TNR: variants seen among roughly 807,000 people sequenced by gnomAD.
TNR encodes tenascin-R.
A neutral mutation model predicts 150.4 loss-of-function variants in TNR; 45 were observed. The ratio of observed to expected loss-of-function variants is 0.30; its 90% CI spans 0.24 to 0.38. The LOEUF is 0.38. Ranked by LOEUF, TNR falls within the 10% of genes least tolerant of loss-of-function variation. The pLI is 1.00. For missense variants in TNR, 1,544 were observed against 1,759.1 expected (o/e 0.88, Z 2.19); for synonymous variants, 687 against 678.4 (o/e 1.01, Z -0.20).
At chr1:175,542,024 C>T (rs1362035565) in intron 1 of TNR, among the ~76,000 whole-genome samples, 1 of 152,164 alleles carries the variant, frequency 6.6e-6, no homozygotes, top group East Asian at 1.9e-4. Flanking sequence ...TGCAAGCCAT[C>T]AGAAGAACCT....
At chr1:175,625,152 G>A (rs923436443) in intron 1 of TNR, among the ~76,000 whole-genome samples, 5 of 152,172 alleles carry the variant, frequency 3.3e-5, no homozygotes, top group African/African-American at 1.2e-4. Flanking sequence ...CCACAAATTT[G>A]GCTTCTACGA....
intron 1 of TNR, among the ~76,000 whole-genome samples, chr1:175,617,834 T>C (rs1028221319): frequency 6.6e-6 from 1 of 152,224 alleles, no homozygotes; most frequent in African/African-American, 2.4e-5. Context: ...ACAAATACGA[T>C]CTTTTAAAAA....
At chr1:175,515,911 G>T (rs1485580561) in intron 2 of TNR, among the ~76,000 whole-genome samples, 1 of 152,212 alleles carries the variant, frequency 6.6e-6, no homozygotes, top group East Asian at 1.9e-4. Flanking sequence ...ACTTGAAAAA[G>T]TATGAAGAAA....
At chr1:175,730,028 C>T (rs1390521867) in intron 1 of TNR, among the ~76,000 whole-genome samples, 1 of 152,218 alleles carries the variant, frequency 6.6e-6, no homozygotes, top group Admixed American at 6.5e-5. Context: ...CTAAGGTACT[C>T]TGAGCAGCTG....
intron 2 of TNR, among the ~76,000 whole-genome samples, chr1:175,523,909 C>T (rs1659744379): frequency 6.6e-6 from 1 of 152,198 alleles, no homozygotes; most frequent in Admixed American, 6.5e-5. Context: ...CTGCCATGTA[C>T]ATAGCAGCGT....
intron 2 of TNR, among the ~76,000 whole-genome samples, chr1:175,428,019 A>G (rs1007609795): frequency 1.3e-5 from 2 of 152,132 alleles, no homozygotes; most frequent in East Asian, 3.9e-4. Context: ...ATTTTTAGAT[A>G]AAAATCCTAT....
At chr1:175,422,555 C>A (rs1057098067) in intron 2 of TNR, among the ~76,000 whole-genome samples, 9 of 152,282 alleles carry the variant, frequency 5.9e-5, no homozygotes, top group African/African-American at 2.2e-4. Context: ...GGGCTGGGAC[C>A]CACTGTCATG....
chr1:175,317,487 G>T lies in TNR; in HGVS notation c.*5870C>A, dbSNP rs763266231. The T allele has an allele frequency of 6.6e-6, 1 of 152,194 alleles. No individual in the cohort carries two copies. The highest frequency in any genetic ancestry group is 1.5e-5 in the Non-Finnish European group (1 of 68,042). 9.4% of individuals were successfully genotyped at this position (152,194 alleles called of 1,614,324 possible). ...AAGAGCAACACAGGGTCTCCCTAGG[G>T]GCTGCTAAACCAGTGATGGGAAGAA... On this transcript the variant is annotated 3_prime_UTR_variant, in exon 23 of 23. Coordinates refer to ENST00000367674, the MANE Select transcript of TNR (RefSeq NM_003285.3).
chr1:175,337,134 A>G (rs1005581160), intron 19 of TNR, among the ~76,000 whole-genome samples: 1 of 152,034 alleles, frequency 6.6e-6, no homozygotes, highest in Admixed American at 6.5e-5. Flanking sequence ...GCCTCAAGTC[A>G]TCACCCGCCT....
chr1:175,478,209 A>T (rs1657632782), intron 2 of TNR, among the ~76,000 whole-genome samples: 1 of 152,222 alleles, frequency 6.6e-6, no homozygotes, highest in African/African-American at 2.4e-5. Flanking sequence ...TTTAATTTCT[A>T]TACACAGTCC....
At position 175,315,274 on chromosome 1, in the gene TNR, A is replaced by G. The variant is rs1243231152; in HGVS notation, c.*8083T>C. On this transcript the variant is annotated 3_prime_UTR_variant, in exon 23 of 23. Transcript: ENST00000367674. ...ACAGAGGCTAAAAGCAACCAGGACTAAAAATACTAGTTAACAATGGTTAAC... is the reference window on the plus strand; with the variant it reads ...ACAGAGGCTAAAAGCAACCAGGACTGAAAATACTAGTTAACAATGGTTAAC... The G allele has an allele frequency of 6.6e-6, 1 of 152,248 alleles. No individual in the cohort carries two copies. The highest frequency in any genetic ancestry group is 1.5e-5 in the Non-Finnish European group (1 of 68,050). 9.4% of individuals were successfully genotyped at this position (152,248 alleles called of 1,614,324 possible). A position where few individuals can be genotyped will look rare whatever the true frequency, so the allele number is the denominator to read the frequency against.
chr1:175,582,978 C>T (rs1398299414), intron 1 of TNR, among the ~76,000 whole-genome samples: 1 of 151,910 alleles, frequency 6.6e-6, no homozygotes, highest in African/African-American at 2.4e-5. Flanking sequence ...AAAAGCCCCC[C>T]CAACCCCCGA....
chr1:175,571,498 A>G (rs1412466529), intron 1 of TNR, among the ~76,000 whole-genome samples: 1 of 152,240 alleles, frequency 6.6e-6, no homozygotes, highest in Non-Finnish European at 1.5e-5. Flanking sequence ...AATGTGTTAA[A>G]AAGCTGGCAA....
intron 1 of TNR, among the ~76,000 whole-genome samples, chr1:175,709,598 A>G (rs916781137): frequency 6.6e-6 from 1 of 152,234 alleles, no homozygotes; most frequent in Non-Finnish European, 1.5e-5. Context: ...ATGCAGACAC[A>G]TTAGTTAGCC....
intron 2 of TNR, among the ~76,000 whole-genome samples, chr1:175,510,999 G>C (rs74470549): frequency 6.6e-6 from 1 of 152,228 alleles, no homozygotes; most frequent in Non-Finnish European, 1.5e-5. Flanking sequence ...CAACATGGAG[G>C]TGAATAGCTC....
At position 175,323,286 on chromosome 1, in the gene TNR, C is replaced by T; in HGVS notation, c.*71G>A. The stretch of plus-strand genomic sequence containing the variant: ...TGCAAAACACATTGCTATTACCCTC[C>T]CCCCTTGTTTCATATTATAAAATAC... On this transcript the variant is annotated 3_prime_UTR_variant, in exon 23 of 23. Coordinates refer to ENST00000367674, the MANE Select transcript of TNR (RefSeq NM_003285.3). 1 of 1,582,410 alleles carries T rather than the reference C, an allele frequency of 6.3e-7. No homozygotes were observed. Among genetic ancestry groups the T allele is most frequent in the Non-Finnish European group, 8.6e-7 (1 of 1,159,318 alleles).
intron 7 of TNR, among the ~76,000 whole-genome samples, chr1:175,388,993 TG>T (rs1324273921): frequency 6.6e-6 from 1 of 152,264 alleles, no homozygotes; most frequent in Admixed American, 6.5e-5. Context: ...TATCCTCTTA[TG>T]AACCATCTTC....
At chr1:175,645,902 A>G (rs1040953600) in intron 1 of TNR, among the ~76,000 whole-genome samples, 2 of 152,214 alleles carry the variant, frequency 1.3e-5, no homozygotes, top group Non-Finnish European at 2.9e-5. Context: ...TATGCTTTAG[A>G]TATAAGCCCT....
chr1:175,450,904 G>A (rs760376014), intron 2 of TNR, among the ~76,000 whole-genome samples: 2 of 152,202 alleles, frequency 1.3e-5, no homozygotes, highest in Non-Finnish European at 2.9e-5. Flanking sequence ...CATTTTAGGG[G>A]AAGGGGAGTA....
Sources: gnomAD v4.1 joint callset for allele counts (sites outside exome capture counted in the v4.1 genomes callset) on GRCh38, gnomAD v4.1.1 for gene constraint, MANE v1.5 for transcripts, NCBI Gene and HGNC (gene_info 2026-07-23, HGNC 2026-07-21) for gene names.